ZFC3H1: variants seen among roughly 807,000 people sequenced by gnomAD.
The protein encoded by ZFC3H1 is zinc finger C3H1-type containing, also known as zinc finger C3H1 domain-containing protein.
Under a neutral mutation model 243.7 loss-of-function variants are expected in ZFC3H1, and 71 were observed. That is an observed-to-expected ratio of 0.29 (90% CI 0.24 to 0.36). ZFC3H1 has a LOEUF of 0.36. ZFC3H1 is among the 10% of genes least tolerant of loss of function. ZFC3H1 has a pLI of 1.00. For missense variants in ZFC3H1, 1,966 were observed against 2,317.1 expected, an observed-to-expected ratio of 0.85 and a Z score of 3.11; for synonymous variants, 838 against 813.0, an observed-to-expected ratio of 1.03 and a Z score of -0.52.
Position 71,663,613 on chromosome 12 carries a change from G to C in ZFC3H1, c.-3C>G. ...GCCGGAGTATCTGCGGTCGCCATCC[G>C]GGGAGCAGCGCCTTCCACACAACCT... On this transcript the variant is annotated 5_prime_UTR_variant, in exon 1 of 35. Transcript: ENST00000378743. 1 of 1,606,192 alleles carries C rather than the reference G, an allele frequency of 6.2e-7. No homozygotes were observed. The highest frequency in any genetic ancestry group is 8.5e-7 in the Non-Finnish European group (1 of 1,178,334).
chr12:71,620,123 A>G lies in ZFC3H1; in HGVS notation c.4852T>C (p.Tyr1618His). ...TTACAAAGCTCCATTGCAGCCTCATACCTTAACAAAAAAGAAAAAAAAAGG... is the reference window on the plus strand; with the variant it reads ...TTACAAAGCTCCATTGCAGCCTCATGCCTTAACAAAAAAGAAAAAAAAAGG... ...MIALHQLLER[Y>H]EAAMELCKSL... The change falls in exon 26 of 35, where the codon TAT becomes CAT. Residue 1618 changes from tyrosine (Y) to histidine (H), a missense_variant and splice_region_variant. By Grantham distance (83) the Tyr-to-His change is moderately conservative. Around this residue, in one of 4 missense-constraint regions of ZFC3H1, gnomAD observed 1,383 missense variants for 1,723.7 expected, o/e 0.80. Transcript: ENST00000378743. 6.2e-7 allele frequency: 1 copy of G among 1,608,090 alleles called. No homozygotes were observed. The highest frequency in any genetic ancestry group is 1.1e-5 in the South Asian group (1 of 89,996).
chr12:71,650,330 A>G (rs1000964475), intron 2 of ZFC3H1, among the ~76,000 whole-genome samples: 1 of 152,216 alleles, frequency 6.6e-6, no homozygotes, highest in African/African-American at 2.4e-5. Flanking sequence ...GACAATAAAT[A>G]TAACTTTACA....
rs1193923480 is a variant in ZFC3H1, at chr12:71,633,005, G to C, written c.2698C>G (p.Gln900Glu). Residue 900 changes from glutamine to glutamate, a missense_variant, in exon 14 of 35, where the codon CAA becomes GAA. Physicochemically the swap from Gln to Glu is conservative, Grantham distance 29 (BLOSUM62 2). Around this residue, in one of 4 missense-constraint regions of ZFC3H1, gnomAD observed 1,383 missense variants for 1,723.7 expected, o/e 0.80. Transcript: ENST00000378743. Reference sequence around the variant, plus strand: ...GCTTTCTTAATTGTAACACGCTGTTGAACTCTGTGAATCTGAAAAATATAG... The same window carrying C: ...GCTTTCTTAATTGTAACACGCTGTTCAACTCTGTGAATCTGAAAAATATAG... ...KKLQEQIHRVQQRVTIKKALT... is the reference protein window; with the variant it reads ...KKLQEQIHRVEQRVTIKKALT... The C allele has an allele frequency of 1.2e-6, 2 of 1,601,842 alleles. No individual in the cohort carries two copies. Among genetic ancestry groups the C allele is most frequent in the East Asian group, 2.2e-5 (1 of 44,640 alleles).
At position 71,632,385 on chromosome 12, in the gene ZFC3H1, A is replaced by G. The variant is rs754509267; in HGVS notation, c.2947T>C (p.Leu983=). 8 of 1,613,084 alleles carry G rather than the reference A, an allele frequency of 5.0e-6. No homozygotes were observed. In the Middle Eastern group the frequency reaches 4.9e-4, roughly 99 times the overall value. ...GCTTTAAGGGCACGGGCTTCTTTTA[A>G]TTTTTGAATTTTCAGGGCATATTCA... ...EYEYALKIQK[L]KEARALKAKE... The change falls in exon 15 of 35, where the codon TTA becomes CTA. Residue 983 remains leucine, a synonymous_variant. Coordinates refer to ENST00000378743, the MANE Select transcript of ZFC3H1 (RefSeq NM_144982.5).
At chr12:71,651,073 T>G (rs868680217) in intron 2 of ZFC3H1, among the ~76,000 whole-genome samples, 1 of 152,196 alleles carries the variant, frequency 6.6e-6, no homozygotes, top group South Asian at 2.1e-4. Context: ...ACAGAAGGGC[T>G]GGTTAAATAC....
At chr12:71,643,904 A>G (rs753209055) in intron 5 of ZFC3H1, among the ~76,000 whole-genome samples, 191 bp downstream of exon 5, 2 of 152,224 alleles carry the variant, frequency 1.3e-5, no homozygotes, top group Non-Finnish European at 2.9e-5. Context: ...GTCTCTGCTA[A>G]TAATAATTTT....
chr12:71,635,435 G>A lies in ZFC3H1; in HGVS notation c.2238+8C>T. The A allele has an allele frequency of 6.4e-7, 1 of 1,562,936 alleles. No individual in the cohort carries two copies. The highest frequency in any genetic ancestry group is 8.6e-7 in the Non-Finnish European group (1 of 1,162,924). The stretch of plus-strand genomic sequence containing the variant: ...ATCTTTCTTTCCACCTTTAATTATT[G>A]CACTTACCTCAGCAGTTCGTCTTGC... On this transcript the variant is annotated splice_region_variant and intron_variant, in intron 10 of 34. Transcript: ENST00000378743.
chr12:71,640,394 A>G (rs1270845892), intron 6 of ZFC3H1, among the ~76,000 whole-genome samples: 2 of 152,250 alleles, frequency 1.3e-5, no homozygotes, highest in African/African-American at 2.4e-5. Context: ...CACTGGCCAG[A>G]AAGACCAGGT....
In ZFC3H1 at chr12:71,637,068, T is replaced by A. The variant is rs750231399; in HGVS notation, c.1726-9A>T. The A allele has an allele frequency of 6.3e-7, 1 of 1,596,436 alleles. No individual in the cohort carries two copies. Among genetic ancestry groups the A allele is most frequent in the Non-Finnish European group, 8.5e-7 (1 of 1,174,940 alleles). ...CTCAAAGGTGGCAGAGACTATTTTT[T>A]AAAAAAAGAAAGAATTACAACGCAA... On this transcript the variant is annotated splice_polypyrimidine_tract_variant and intron_variant, in intron 7 of 34. Transcript: ENST00000378743.
chr12:71,636,968 G>C lies in ZFC3H1; in HGVS notation c.1817C>G (p.Pro606Arg), dbSNP rs776132673. 6 of 1,613,902 alleles carry C rather than the reference G, an allele frequency of 3.7e-6. No individual in the cohort carries two copies. The South Asian group carries it at 5.5e-5, about 15-fold the overall frequency. ...PPLPPLPPLP[P>R]EDPEQPPKPP... ...TTTTGGAGGCTGTTCTGGATCTTCA[G>C]GTGGGAGAGGTGGTAATGGTGGTAG... is the stretch of plus-strand genomic sequence containing the variant. The change falls in exon 8 of 35, where the codon CCT becomes CGT. Residue 606 changes from proline to arginine, a missense_variant. Physicochemically the swap from Pro to Arg is moderately radical, Grantham distance 103. Transcript: ENST00000378743.
Position 71,630,709 on chromosome 12 carries a change from T to G in ZFC3H1, c.3615A>C (p.Gln1205His). 1 of 1,611,094 alleles carries G rather than the reference T, an allele frequency of 6.2e-7. No individual in the cohort carries two copies. The highest frequency in any genetic ancestry group is 1.3e-5 in the African/African-American group (1 of 74,818). Residue 1205 changes from glutamine (Q) to histidine (H), a missense_variant, in exon 18 of 35, where the codon CAA becomes CAC. This residue lies in a region of ZFC3H1 where 1,383 missense variants were observed against 1,723.7 expected (regional missense o/e 0.80). Transcript: ENST00000378743. ...ACTGTTTTCGGCTAAGTGTATAGTC[T>G]TGTATATGCTGCCTAAGATAAAAAA... ...NDDDCQWQHI[Q>H]DYTLSRKQLF...
chr12:71,654,456 G>C lies in ZFC3H1; in HGVS notation c.1015+2429C>G, dbSNP rs187475476. Among the ~76,000 whole-genome samples, 30 of 152,230 alleles carry C rather than the reference G, an allele frequency of 2.0e-4. No homozygotes were observed. The East Asian group carries it at 5.0e-3, about 25-fold the overall frequency. Reference sequence around the variant, plus strand: ...ATCTTATCTAAAACACACACACACAGAGAATATATTTATACATATATAATT... The same window carrying C: ...ATCTTATCTAAAACACACACACACACAGAATATATTTATACATATATAATT... On this transcript the variant is annotated intron_variant, in intron 2 of 34. Coordinates refer to ENST00000378743, the MANE Select transcript of ZFC3H1 (RefSeq NM_144982.5).
chr12:71,657,006 T>A lies in ZFC3H1; in HGVS notation c.894A>T (p.Ala298=). 1 of 1,613,950 alleles carries A rather than the reference T, an allele frequency of 6.2e-7. No individual in the cohort carries two copies. The highest frequency in any genetic ancestry group is 8.5e-7 in the Non-Finnish European group (1 of 1,179,942). The stretch of plus-strand genomic sequence containing the variant: ...TTTGCCTGAGTGGTTTTAATTCAAA[T>A]GCCTGAAAAGTTTTGACTTGTGTTT... The part of the protein sequence containing the change: ...EEKTQVKTFQ[A]FELKPLRQKL... Residue 298 remains alanine, a synonymous_variant, in exon 2 of 35, where the codon GCA becomes GCT. Coordinates refer to ENST00000378743, the MANE Select transcript of ZFC3H1 (RefSeq NM_144982.5).
Position 71,610,687 on chromosome 12 carries a change from A to C in ZFC3H1, c.5832+8T>G, listed in dbSNP as rs988075118. ...CATCGAGATAAAATAAAAGATAAAA[A>C]GCATTACATCTTTCCACAGTGATGC... On this transcript the variant is annotated splice_region_variant and intron_variant, in intron 34 of 34. Transcript: ENST00000378743. 1 of 1,612,908 alleles carries C rather than the reference A, an allele frequency of 6.2e-7. No homozygotes were observed. Among genetic ancestry groups the C allele is most frequent in the African/African-American group, 1.3e-5 (1 of 74,890 alleles).
At chr12:71,629,068 ATATAACTAGTTTTT>A (rs1261398766) in intron 19 of ZFC3H1, 31 bp from the exon 20 acceptor site, 2 of 1,546,574 alleles carry the variant, frequency 1.3e-6, no homozygotes, top group Non-Finnish European at 1.7e-6. Flanking sequence ...TTGTTAATTG[ATATAACTAGTTTTT>A]TTTTTAACAT....
At chr12:71,631,210 C>T (rs1487456008) in intron 16 of ZFC3H1, among the ~76,000 whole-genome samples, 1 of 152,040 alleles carries the variant, frequency 6.6e-6, no homozygotes, top group Non-Finnish European at 1.5e-5. Context: ...AGTAGTTTCT[C>T]ACCACATAAT....
At chr12:71,621,183 A>G (rs1190601048) in intron 24 of ZFC3H1, among the ~76,000 whole-genome samples, 1 of 152,196 alleles carries the variant, frequency 6.6e-6, no homozygotes, top group Non-Finnish European at 1.5e-5. Flanking sequence ...CAACTACTGC[A>G]TAATTTACTT....
In ZFC3H1 at chr12:71,656,869, T is replaced by C. The variant is rs1236693368; in HGVS notation, c.1015+16A>G. 1.9e-6 allele frequency: 3 copies of C among 1,586,848 alleles called. No individual in the cohort carries two copies. The highest frequency in any genetic ancestry group is 2.2e-5 in the East Asian group (1 of 44,580). ...GAAGAAGAGTCATTACTAACTGAAA[T>C]ATTTAATTCCATTACCTTGACTAGA... is the stretch of plus-strand genomic sequence containing the variant. On this transcript the variant is annotated intron_variant, in intron 2 of 34. Transcript: ENST00000378743.
At chr12:71,611,638 T>C (rs1879772349) in intron 32 of ZFC3H1, 148 bp downstream of exon 32, 1 of 153,526 alleles carries the variant, frequency 6.5e-6, no homozygotes, top group African/African-American at 3.1e-5. Flanking sequence ...CAAATCTAAA[T>C]TAAGAATAGC....
Sources: allele counts gnomAD v4.1 joint callset (sites outside exome capture counted in the v4.1 genomes callset), GRCh38; gene constraint gnomAD v4.1.1; regional missense constraint gnomAD v4.1.1; transcripts MANE v1.5; gene names NCBI Gene and HGNC (gene_info 2026-07-23, HGNC 2026-07-21).